VWA3A: variants seen among roughly 807,000 people sequenced by gnomAD.
VWA3A encodes the protein von Willebrand factor A domain-containing protein 3A.
A neutral mutation model predicts 160.4 loss-of-function variants in VWA3A; 134 were observed. That is an observed-to-expected ratio of 0.84 (90% CI 0.73 to 0.96). The LOEUF (loss-of-function observed/expected upper bound fraction) is 0.96. Among genes scored for constraint, VWA3A ranks in the 40% least tolerant of loss-of-function variants. The pLI is 0.00. For synonymous variants in VWA3A, 476 were observed against 543.4 expected, an observed-to-expected ratio of 0.88 and a Z score of 1.72; for missense variants, 1,310 against 1,447.9, an observed-to-expected ratio of 0.90 and a Z score of 1.55.
intron 23 of VWA3A, 117 bp from the exon 24 acceptor site, chr16:22,141,465 G>A (rs1269193654): frequency 1.1e-6 from 1 of 933,122 alleles, no homozygotes; most frequent in Admixed American, 2.2e-5. Flanking sequence ...AGCCATCTTG[G>A]AGCCCCATTT....
intron 11 of VWA3A, 133 bp downstream of exon 11, chr16:22,117,309 A>AC: frequency 3.1e-6 from 3 of 965,754 alleles, no homozygotes; most frequent in Non-Finnish European, 4.6e-6. Context: ...ACCTGTATTC[A>AC]ATGAGGTTAC....
intron 9 of VWA3A, chr16:22,116,258 G>C (rs1023455868): frequency 1.5e-5 from 6 of 398,324 alleles, no homozygotes; most frequent in Admixed American, 3.6e-5. Context: ...AGATGGAAGA[G>C]AGAGAAAGAA....
At chr16:22,098,421 T>C (rs1160616192) in intron 3 of VWA3A, among the ~76,000 whole-genome samples, 1 of 152,234 alleles carries the variant, frequency 6.6e-6, no homozygotes, top group African/African-American at 2.4e-5. Context: ...TTTGAGATTC[T>C]GAAGAAGTCT....
In VWA3A at chr16:22,132,974, G is replaced by A. The variant is rs1230729032; in HGVS notation, c.1947G>A (p.Val649=). ...AGCTGAACGTGTGTCTCTTCTACGT[G>A]GGCGAGCCAAAGATGGACACCACAC... ...DLQLNVCLFY[V]GEPKMDTTPP... The change falls in exon 20 of 34, where the codon GTG becomes GTA. Residue 649 remains valine, a synonymous_variant. Transcript: ENST00000389398. 1 of 1,613,828 alleles carries A rather than the reference G, an allele frequency of 6.2e-7. No individual in the cohort carries two copies. Among genetic ancestry groups the A allele is most frequent in the East Asian group, 2.2e-5 (1 of 44,880 alleles).
At chr16:22,130,716 A>G (rs2045932076) in intron 17 of VWA3A, among the ~76,000 whole-genome samples, 1 of 152,002 alleles carries the variant, frequency 6.6e-6, no homozygotes, top group Non-Finnish European at 1.5e-5. Context: ...TGATCCTCCC[A>G]CCTCAGCCTC....
At position 22,148,149 on chromosome 16, in the gene VWA3A, T is replaced by A; in HGVS notation, c.2840-13T>A. On this transcript the variant is annotated splice_polypyrimidine_tract_variant and intron_variant, in intron 27 of 33. Transcript: ENST00000389398. ...ACTCCCTCCCTGCCTCTTCCCCACC[T>A]GTCTCGGAGCAGGGAGCCGCCGACT... 1 of 1,589,908 alleles carries A rather than the reference T, an allele frequency of 6.3e-7. No individual in the cohort carries two copies.
intron 1 of VWA3A, among the ~76,000 whole-genome samples, chr16:22,094,864 G>C (rs1393179985): frequency 6.6e-6 from 1 of 151,968 alleles, no homozygotes; most frequent in Admixed American, 6.6e-5. Flanking sequence ...CTATGTGGGA[G>C]GCTAAGGCAG....
chr16:22,098,788 A>G (rs941187386), intron 3 of VWA3A, among the ~76,000 whole-genome samples: 5 of 151,970 alleles, frequency 3.3e-5, no homozygotes, highest in Non-Finnish European at 7.4e-5. Flanking sequence ...TAAGTCCACC[A>G]TGCTCACCAG....
intron 1 of VWA3A, 122 bp downstream of exon 1, chr16:22,092,773 A>G (rs1030155075): frequency 2.7e-5 from 34 of 1,273,140 alleles, no homozygotes; most frequent in Non-Finnish European, 3.4e-5. Context: ...TCCACTCCCT[A>G]CATGCCGAGC....
chr16:22,140,191 C>T lies in VWA3A; in HGVS notation c.2330C>T (p.Pro777Leu), dbSNP rs764857109. ...GACCCTGACAGAGAGAAGAGCCCCC[C>T]GCTGAAATCTCTGAAATGGCGTCCA... ...KDDPDREKSP[P>L]LKSLKWRPLS... The change falls in exon 23 of 34, where the codon CCG (proline) becomes CTG (leucine). Residue 777 changes from proline (P) to leucine (L), a missense_variant. Physicochemically the swap from Pro to Leu is moderately conservative, Grantham distance 98. Coordinates refer to ENST00000389398, the MANE Select transcript of VWA3A (RefSeq NM_173615.5). The T allele has an allele frequency of 3.7e-5, 59 of 1,613,526 alleles. No individual in the cohort carries two copies. Among genetic ancestry groups the T allele is most frequent in the South Asian group, 5.5e-5 (5 of 91,044 alleles).
chr16:22,110,766 C>T (rs771418157), intron 7 of VWA3A, 122 bp from the exon 8 acceptor site: 6 of 775,824 alleles, frequency 7.7e-6, no homozygotes, highest in Non-Finnish European at 9.5e-6. Flanking sequence ...AGCCCAGCCT[C>T]GAGCAGCCCT....
intron 1 of VWA3A, among the ~76,000 whole-genome samples, chr16:22,095,854 C>T (rs1271270889): frequency 6.6e-6 from 1 of 152,170 alleles, no homozygotes; most frequent in Non-Finnish European, 1.5e-5. Context: ...TGTGAGCTAC[C>T]ATGCCTGGCC....
At chr16:22,092,710 A>T in intron 1 of VWA3A, 59 bp downstream of exon 1, 1 of 1,546,136 alleles carries the variant, frequency 6.5e-7, no homozygotes, top group South Asian at 1.2e-5. Flanking sequence ...GGGAGGCCAG[A>T]TACTAAGCTC....
rs532823416 is a variant in VWA3A, at chr16:22,135,939, G to A, written c.2139+1501G>A. Among the ~76,000 whole-genome samples the A allele has an allele frequency of 2.6e-4, 39 of 152,118 alleles. No homozygotes were observed. In the South Asian group the frequency reaches 7.7e-3, roughly 30 times the overall value. ...CAAGTAGCTGGGGCTACAGGCACCC[G>A]CCACCACGCCTGACTGATTTTTGTG... is the stretch of plus-strand genomic sequence containing the variant. On this transcript the variant is annotated intron_variant, in intron 21 of 33. Transcript: ENST00000389398.
In VWA3A at chr16:22,152,639, G is replaced by T. The variant is rs2046370694; in HGVS notation, c.3405+5G>T. On this transcript the variant is annotated splice_donor_5th_base_variant and intron_variant, in intron 31 of 33. Transcript: ENST00000389398. ...AAAGGCTTCATCAATGAAAAGGTAG[G>T]TTGCAGAGCCACTGAGCATGAGGTC... is the stretch of plus-strand genomic sequence containing the variant. 1.3e-6 allele frequency: 2 copies of T among 1,599,572 alleles called. No homozygotes were observed. Among genetic ancestry groups the T allele is most frequent in the South Asian group, 1.1e-5 (1 of 88,442 alleles).
At chr16:22,155,822 A>G in intron 32 of VWA3A, 29 bp from the exon 33 acceptor site, 1 of 1,613,694 alleles carries the variant, frequency 6.2e-7, no homozygotes, top group South Asian at 1.1e-5. Context: ...CACCAGGGAG[A>G]CCATCTTTCT....
Position 22,148,202 on chromosome 16 carries a change from A to G in VWA3A, c.2880A>G (p.Val960=). The G allele has an allele frequency of 1.2e-6, 2 of 1,603,714 alleles. No individual in the cohort carries two copies. The highest frequency in any genetic ancestry group is 1.1e-5 in the South Asian group (1 of 88,604). Residue 960 remains valine, a synonymous_variant, in exon 28 of 34, where the codon GTA becomes GTG. Coordinates refer to ENST00000389398, the MANE Select transcript of VWA3A (RefSeq NM_173615.5). The stretch of plus-strand genomic sequence containing the variant: ...TTGGCACCGTTTTGGAGAGCAAAGT[A>G]TGCATATTGCTGGACACGTCAGGGT... The part of the protein sequence containing the change: ...RLFGTVLESK[V]CILLDTSGSM...
At chr16:22,108,495 T>A (rs143946738) in intron 6 of VWA3A, among the ~76,000 whole-genome samples, 10 of 152,310 alleles carry the variant, frequency 6.6e-5, no homozygotes, top group Non-Finnish European at 1.2e-4. Flanking sequence ...AGATTTTTTT[T>A]AATTCTCTCC....
At chr16:22,150,924 AC>A (rs1330716154) in intron 30 of VWA3A, 78 bp downstream of exon 30, 5 of 1,477,012 alleles carry the variant, frequency 3.4e-6, no homozygotes, top group Non-Finnish European at 3.6e-6. Flanking sequence ...CAAGCCCCTC[AC>A]CTAATCTAGC....
Sources: allele counts gnomAD v4.1 joint callset (sites outside exome capture counted in the v4.1 genomes callset), GRCh38; gene constraint gnomAD v4.1.1; transcripts MANE v1.5; gene names NCBI Gene and HGNC (gene_info 2026-07-23, HGNC 2026-07-21).